Variants in NKAIN2 observed in about 807,000 individuals in gnomAD.
NKAIN2 encodes the protein sodium/potassium transporting ATPase interacting 2.
A neutral mutation model predicts 32.6 loss-of-function variants in NKAIN2; 14 were observed. The ratio of observed to expected loss-of-function variants is 0.43; its 90% confidence interval spans 0.28 to 0.67. The LOEUF is 0.67. Among genes scored for constraint, NKAIN2 ranks in the 30% least tolerant of loss-of-function variants. The pLI, the probability that NKAIN2 is intolerant of heterozygous loss-of-function variation, is 0.17. For synonymous variants in NKAIN2, 80 were observed against 87.2 expected (o/e 0.92, Z 0.46); for missense variants, 198 against 258.3 (o/e 0.77, Z 1.60).
intron 4 of NKAIN2, among the ~76,000 whole-genome samples, chr6:124,766,264 G>C (rs1022976948): frequency 6.6e-6 from 1 of 152,128 alleles, no homozygotes; most frequent in South Asian, 2.1e-4. Context: ...GTGCCTCTTA[G>C]GACTTTTGAG....
intron 3 of NKAIN2, among the ~76,000 whole-genome samples, chr6:124,554,252 A>G (rs1268360589): frequency 2.0e-5 from 3 of 152,210 alleles, no homozygotes; most frequent in Admixed American, 6.5e-5. Context: ...ACTGAGAATC[A>G]ATGCTGCTTT....
chr6:124,354,598 T>C (rs1284428394), intron 2 of NKAIN2, among the ~76,000 whole-genome samples: 4 of 152,170 alleles, frequency 2.6e-5, no homozygotes, highest in Non-Finnish European at 5.9e-5. Flanking sequence ...TTGATTATCC[T>C]TGACAACTTG....
At position 124,598,131 on chromosome 6, in the gene NKAIN2, A is replaced by G. The variant is rs190952821; in HGVS notation, c.274-60055A>G. Among the ~76,000 whole-genome samples, 747 of 152,322 alleles carry G rather than the reference A, an allele frequency of 4.9e-3. 9 individuals carry two copies. The highest frequency in any genetic ancestry group is 0.017 in the African/African-American group (710 of 41,582). Reference sequence around the variant, plus strand: ...ATGGATAATTTCTTCCTCTAAAAATACTTCTGAGAAACTACAGTTGGAACC... The same window carrying G: ...ATGGATAATTTCTTCCTCTAAAAATGCTTCTGAGAAACTACAGTTGGAACC... On this transcript the variant is annotated intron_variant, in intron 3 of 6. Coordinates refer to ENST00000368417, the MANE Select transcript of NKAIN2 (RefSeq NM_001040214.3).
intron 1 of NKAIN2, among the ~76,000 whole-genome samples, chr6:123,906,866 A>G (rs1349457885): frequency 6.6e-6 from 1 of 152,212 alleles, no homozygotes; most frequent in Non-Finnish European, 1.5e-5. Context: ...CTCAGGTTAA[A>G]TAAGCATTCT....
At chr6:124,317,707 A>C (rs1177020201) in intron 2 of NKAIN2, among the ~76,000 whole-genome samples, 1 of 152,038 alleles carries the variant, frequency 6.6e-6, no homozygotes, top group Non-Finnish European at 1.5e-5. Flanking sequence ...AAATGTACAT[A>C]TTTCTTAGTG....
At chr6:124,687,507 G>GAATA (rs1380434236) in intron 4 of NKAIN2, among the ~76,000 whole-genome samples, 5 of 1,354 alleles carry the variant, frequency 3.7e-3, no homozygotes, top group South Asian at 0.12. Context: ...TACATACATG[G>GAATA]TATATATTCC....
intron 2 of NKAIN2, among the ~76,000 whole-genome samples, chr6:124,300,033 G>C (rs1280919286): frequency 6.6e-6 from 1 of 152,138 alleles, no homozygotes; most frequent in East Asian, 1.9e-4. Context: ...GCATCACCTG[G>C]AAATGTCACC....
At chr6:124,366,120 T>C (rs1230418542) in intron 3 of NKAIN2, among the ~76,000 whole-genome samples, 1 of 151,944 alleles carries the variant, frequency 6.6e-6, no homozygotes, top group Non-Finnish European at 1.5e-5. Flanking sequence ...GAAAACATTC[T>C]AATAACAAGG....
At chr6:123,852,798 C>G (rs1582653208) in intron 1 of NKAIN2, among the ~76,000 whole-genome samples, 1 of 152,142 alleles carries the variant, frequency 6.6e-6, no homozygotes, top group Non-Finnish European at 1.5e-5. Context: ...TCAAATTCTT[C>G]TTATCCCTTC....
intron 3 of NKAIN2, among the ~76,000 whole-genome samples, chr6:124,543,733 A>G (rs74830724): frequency 0.051 from 7,708 of 152,232 alleles, 218 homozygotes; most frequent in Non-Finnish European, 0.068. Flanking sequence ...TGAAGGAGAT[A>G]TAAGTGGAAA....
intron 1 of NKAIN2, among the ~76,000 whole-genome samples, chr6:123,861,825 G>GTTTAA (rs906092107): frequency 1.3e-5 from 2 of 151,906 alleles, no homozygotes; most frequent in African/African-American, 2.4e-5. Flanking sequence ...TTCCCCTCTG[G>GTTTAA]TTTAATTTTC....
At chr6:124,462,671 T>G (rs1010455139) in intron 3 of NKAIN2, among the ~76,000 whole-genome samples, 1 of 152,054 alleles carries the variant, frequency 6.6e-6, no homozygotes, top group Non-Finnish European at 1.5e-5. Flanking sequence ...TTATACCAAA[T>G]TTTTAAAGTA....
intron 1 of NKAIN2, among the ~76,000 whole-genome samples, chr6:123,920,532 A>C (rs2114488953): frequency 6.6e-6 from 1 of 152,276 alleles, no homozygotes; most frequent in Middle Eastern, 3.4e-3. Context: ...AATCTAGTAT[A>C]GAATGATAAA....
At chr6:124,055,207 C>T (rs191289977) in intron 1 of NKAIN2, among the ~76,000 whole-genome samples, 9 of 151,956 alleles carry the variant, frequency 5.9e-5, no homozygotes, top group East Asian at 5.8e-4. Context: ...ATCCTTTCCC[C>T]GTAAAATAAA....
In NKAIN2 at chr6:124,156,899, TCCAGA is replaced by T. The variant is rs576717093; in HGVS notation, c.55-126101_55-126097del. Among the ~76,000 whole-genome samples the T allele has an allele frequency of 3.7e-3, 560 of 151,830 alleles. 5 individuals carry two copies. The highest frequency in any genetic ancestry group is 6.8e-3 in the Middle Eastern group (2 of 294). ...AGGTGGAACACTTGAGGTCAGGAGTTCCAGACCAGCCTGGCCAACATGGTAAAACC... is the reference window on the plus strand; with the variant it reads ...AGGTGGAACACTTGAGGTCAGGAGTTCCAGCCTGGCCAACATGGTAAAACC... On this transcript the variant is annotated intron_variant, in intron 1 of 6. Coordinates refer to ENST00000368417, the MANE Select transcript of NKAIN2 (RefSeq NM_001040214.3).
chr6:124,592,749 C>G (rs1033914952), intron 3 of NKAIN2, among the ~76,000 whole-genome samples: 1 of 152,186 alleles, frequency 6.6e-6, no homozygotes, highest in African/African-American at 2.4e-5. Flanking sequence ...CTTGGAGCTG[C>G]TGTTGTGTAG....
chr6:123,950,226 G>T (rs1233834427), intron 1 of NKAIN2, among the ~76,000 whole-genome samples: 3 of 151,612 alleles, frequency 2.0e-5, no homozygotes, highest in Admixed American at 2.0e-4. Flanking sequence ...TCTATGTTCA[G>T]CAGGGATATT....
chr6:124,427,754 G>C (rs940139674), intron 3 of NKAIN2, among the ~76,000 whole-genome samples: 1 of 152,238 alleles, frequency 6.6e-6, no homozygotes, highest in Non-Finnish European at 1.5e-5. Flanking sequence ...AGAGGCAGCA[G>C]GTTCCTCACT....
At chr6:124,775,535 A>G (rs1778949982) in intron 4 of NKAIN2, among the ~76,000 whole-genome samples, 1 of 152,204 alleles carries the variant, frequency 6.6e-6, no homozygotes, top group South Asian at 2.1e-4. Context: ...AGAACATTAC[A>G]TTATTTCTGT....
Sources: allele counts gnomAD v4.1 joint callset (sites outside exome capture counted in the v4.1 genomes callset), GRCh38; gene constraint gnomAD v4.1.1; transcripts MANE v1.5; gene names NCBI Gene and HGNC (gene_info 2026-07-23, HGNC 2026-07-21).